ZSWIM6: variants seen among roughly 807,000 people sequenced by gnomAD.
ZSWIM6 encodes the protein zinc finger SWIM domain-containing protein 6.
A neutral mutation model predicts 113.2 loss-of-function variants in ZSWIM6; 9 were observed. The observed-to-expected ratio is 0.08, with a 90% confidence interval of 0.05 to 0.14. The LOEUF (loss-of-function observed/expected upper bound fraction) is 0.14, where lower values mean the gene tolerates loss of function less well. ZSWIM6 is among the 10% of genes least tolerant of loss of function. The pLI, the probability that ZSWIM6 is intolerant of heterozygous loss-of-function variation, is 1.00. For synonymous variants in ZSWIM6, 611 were observed against 606.5 expected, an observed-to-expected ratio of 1.01 and a Z score of -0.11; for missense variants, 1,162 against 1,552.2, an observed-to-expected ratio of 0.75 and a Z score of 4.22.
In ZSWIM6 at chr5:61,366,183, A is replaced by G. The variant is rs186841524; in HGVS notation, c.676+33235A>G. Among the ~76,000 whole-genome samples the G allele has an allele frequency of 3.5e-3, 530 of 152,334 alleles. 1 individual carries two copies. The highest frequency in any genetic ancestry group is 0.02 in the Middle Eastern group (6 of 294). On this transcript the variant is annotated intron_variant, in intron 1 of 13. Transcript: ENST00000252744. ...AGTGCTGGGATTACAAGCGTGAACC[A>G]CCACACCCAGCCTAAGTGTCATTTT... is the stretch of plus-strand genomic sequence containing the variant.
At chr5:61,528,504 C>A (rs1749344608) in intron 7 of ZSWIM6, among the ~76,000 whole-genome samples, 1 of 151,802 alleles carries the variant, frequency 6.6e-6, no homozygotes, top group African/African-American at 2.4e-5. Flanking sequence ...TTATGAAAGC[C>A]AGCAACAGAA....
At chr5:61,337,618 A>G (rs1011672480) in intron 1 of ZSWIM6, among the ~76,000 whole-genome samples, 6 of 152,244 alleles carry the variant, frequency 3.9e-5, no homozygotes, top group African/African-American at 1.2e-4. Flanking sequence ...CTATGAAAAG[A>G]TGAATTAGAT....
At chr5:61,391,956 C>T in intron 1 of ZSWIM6, 1 of 518,212 alleles carries the variant, frequency 1.9e-6, no homozygotes, top group East Asian at 3.5e-5. Context: ...ATCCAGTGGG[C>T]TTGTACGGGT....
intron 1 of ZSWIM6, among the ~76,000 whole-genome samples, chr5:61,448,087 A>T (rs1261786194): frequency 6.6e-6 from 1 of 152,136 alleles, no homozygotes; most frequent in African/African-American, 2.4e-5. Context: ...TGAGAAAGGA[A>T]CTCAGATAAG....
intron 4 of ZSWIM6, among the ~76,000 whole-genome samples, chr5:61,517,378 T>G (rs1180486703): frequency 6.6e-6 from 1 of 152,162 alleles, no homozygotes; most frequent in African/African-American, 2.4e-5. Flanking sequence ...TCACTGACTT[T>G]TCCCTCTGTC....
At chr5:61,437,294 AT>A (rs555048285) in intron 1 of ZSWIM6, among the ~76,000 whole-genome samples, 2 of 152,242 alleles carry the variant, frequency 1.3e-5, no homozygotes, top group Admixed American at 1.3e-4. Flanking sequence ...TTATTACTGA[AT>A]TTTTAGGCCT....
At chr5:61,471,887 T>G (rs1747581448) in intron 1 of ZSWIM6, among the ~76,000 whole-genome samples, 1 of 152,098 alleles carries the variant, frequency 6.6e-6, no homozygotes, top group Non-Finnish European at 1.5e-5. Flanking sequence ...GTATAAGGCC[T>G]TTTAAGGCTT....
intron 9 of ZSWIM6, among the ~76,000 whole-genome samples, chr5:61,534,550 A>G (rs1370171565): frequency 6.6e-6 from 1 of 152,176 alleles, no homozygotes; most frequent in Non-Finnish European, 1.5e-5. Flanking sequence ...AATTCTAGAA[A>G]TCATGAAACA....
intron 1 of ZSWIM6, among the ~76,000 whole-genome samples, chr5:61,448,888 G>A (rs1483605159): frequency 2.6e-5 from 4 of 152,200 alleles, no homozygotes; most frequent in Admixed American, 6.5e-5. Flanking sequence ...TAGGAATAGA[G>A]AGTAATAGGT....
intron 4 of ZSWIM6, among the ~76,000 whole-genome samples, 197 bp from the exon 5 acceptor site, chr5:61,521,066 A>G (rs956953617): frequency 7.9e-5 from 12 of 152,116 alleles, no homozygotes; most frequent in African/African-American, 2.7e-4. Context: ...ATTAAGTTAT[A>G]AAAATGACCG....
chr5:61,526,308 A>G lies in ZSWIM6; in HGVS notation c.1749A>G (p.Arg583=). 6.4e-7 allele frequency: 1 copy of G among 1,552,076 alleles called. No homozygotes were observed. Among genetic ancestry groups the G allele is most frequent in the Non-Finnish European group, 8.7e-7 (1 of 1,147,050 alleles). The stretch of plus-strand genomic sequence containing the variant: ...CATTACGTTCTCATGGGTACCCCAG[A>G]GAAGCACTGAGACTAGCAATAGCTA... ...VDALRSHGYP[R]EALRLAIAIV... The change falls in exon 7 of 14, where the codon AGA becomes AGG. Residue 583 remains arginine (R), a synonymous_variant. Coordinates refer to ENST00000252744, the MANE Select transcript of ZSWIM6 (RefSeq NM_020928.2).
chr5:61,332,669 G>A lies in ZSWIM6; in HGVS notation c.397G>A (p.Ala133Thr), dbSNP rs1487568033. The change falls in exon 1 of 14, where the codon GCC (alanine) becomes ACC (threonine). Residue 133 changes from alanine to threonine, a missense_variant. By Grantham distance (58) the Ala-to-Thr change is moderately conservative (BLOSUM62 0). Around this residue, in one of 4 missense-constraint regions of ZSWIM6, gnomAD observed 333 missense variants for 293.4 expected, o/e 1.13. Coordinates refer to ENST00000252744, the MANE Select transcript of ZSWIM6 (RefSeq NM_020928.2). Reference sequence around the variant, plus strand: ...CTCGTCCTTCAACACCGGCGGCGGCGCCGCGGGCGGCCCCGGCGACGACAG... The same window carrying A: ...CTCGTCCTTCAACACCGGCGGCGGCACCGCGGGCGGCCCCGGCGACGACAG... Reference protein sequence around the residue: ...MYSSFNTGGGAAGGPGDDSGG... With the variant: ...MYSSFNTGGGTAGGPGDDSGG... 6 of 1,108,364 alleles carry A rather than the reference G, an allele frequency of 5.4e-6. No homozygotes were observed. The African/African-American group carries it at 1.0e-4, about 19-fold the overall frequency. The allele number at this position is 1,108,364 out of a possible 1,614,324, so 68.7% of individuals were successfully genotyped here.
chr5:61,364,347 A>G (rs1745108498), intron 1 of ZSWIM6, among the ~76,000 whole-genome samples: 1 of 152,252 alleles, frequency 6.6e-6, no homozygotes, highest in East Asian at 1.9e-4. Context: ...CAAGGATCAG[A>G]AAATTATGGC....
intron 1 of ZSWIM6, among the ~76,000 whole-genome samples, chr5:61,453,376 C>CT (rs1290770486): frequency 2.0e-4 from 26 of 130,424 alleles, no homozygotes; most frequent in South Asian, 2.7e-4. Flanking sequence ...CACTCTCTCT[C>CT]TCTTTTTTTT....
rs112300829 is a variant in ZSWIM6 at position 61,387,927 on chromosome 5, G to A, written c.676+54979G>A. Among the ~76,000 whole-genome samples, 997 of 147,872 alleles carry A rather than the reference G, an allele frequency of 6.7e-3. 9 individuals are homozygous for A. Among genetic ancestry groups the A allele is most frequent in the African/African-American group, 0.021 (831 of 39,902 alleles). On this transcript the variant is annotated intron_variant, in intron 1 of 13. Coordinates refer to ENST00000252744, the MANE Select transcript of ZSWIM6 (RefSeq NM_020928.2). ...CTCCCTCTTTGAGGGGGGGAGAAAA[G>A]CACTTTCCTACTACCTAAGTTTTAC...
chr5:61,471,687 T>C (rs1221356816), intron 1 of ZSWIM6, among the ~76,000 whole-genome samples: 5 of 152,196 alleles, frequency 3.3e-5, no homozygotes, highest in African/African-American at 7.2e-5. Context: ...GGGATCTAGG[T>C]TGCATGCTCC....
At chr5:61,423,947 G>A (rs1039572066) in intron 1 of ZSWIM6, among the ~76,000 whole-genome samples, 1 of 152,220 alleles carries the variant, frequency 6.6e-6, no homozygotes, top group East Asian at 1.9e-4. Context: ...CCCCGTAAAT[G>A]AGCAGCCCCT....
intron 1 of ZSWIM6, among the ~76,000 whole-genome samples, chr5:61,362,729 C>G (rs1355656881): frequency 3.3e-5 from 5 of 152,202 alleles, no homozygotes; most frequent in Admixed American, 3.3e-4. Flanking sequence ...TCTGTGCCAT[C>G]AAGTGATGAC....
intron 1 of ZSWIM6, among the ~76,000 whole-genome samples, chr5:61,377,582 C>T (rs532896048): frequency 8.2e-4 from 124 of 151,870 alleles, no homozygotes; most frequent in African/African-American, 2.1e-3. Flanking sequence ...CCGGGCGTGG[C>T]GGCATGTACC....
Sources: allele counts gnomAD v4.1 joint callset (sites outside exome capture counted in the v4.1 genomes callset), GRCh38; gene constraint gnomAD v4.1.1; regional missense constraint gnomAD v4.1.1; transcripts MANE v1.5; gene names NCBI Gene and HGNC (gene_info 2026-07-23, HGNC 2026-07-21).